FAM9A: variants seen among roughly 807,000 people sequenced by gnomAD.
FAM9A encodes the protein family with sequence similarity 9 member A, also known as protein FAM9A.
A neutral mutation model predicts 25.0 loss-of-function variants in FAM9A; 49 were observed. That is an observed-to-expected ratio of 1.96 (90% CI 1.56 to 2.48). The LOEUF (loss-of-function observed/expected upper bound fraction) is 2.48. FAM9A is among the 30% of genes most tolerant of loss of function. The pLI, the probability that FAM9A is intolerant of heterozygous loss-of-function variation, is 0.00. For synonymous variants in FAM9A, 80 were observed against 85.1 expected, an observed-to-expected ratio of 0.94 and a Z score of 0.33; for missense variants, 266 against 249.3, an observed-to-expected ratio of 1.07 and a Z score of -0.45.
intron 8 of FAM9A, among the ~76,000 whole-genome samples, chrX:8,792,685 T>C (rs1933483667): frequency 8.9e-6 from 1 of 112,275 alleles, no homozygotes; most frequent in Admixed American, 9.4e-5. Flanking sequence ...AATAACTGTT[T>C]TGTGTATAGA....
chrX:8,791,165 T>C lies in FAM9A; in HGVS notation c.*39A>G. The C allele has an allele frequency of 2.1e-6, 1 of 470,398 alleles. No individual in the cohort carries two copies. Among genetic ancestry groups the C allele is most frequent in the Middle Eastern group, 6.0e-4 (1 of 1,671 alleles). 38.8% of individuals were successfully genotyped at this position (470,398 alleles called of 1,213,427 possible). On this transcript the variant is annotated 3_prime_UTR_variant, in exon 10 of 10. Coordinates refer to ENST00000381003, the MANE Select transcript of FAM9A (RefSeq NM_174951.3). ...GAAGAGACAATGAAGTGCCAACTCT[T>C]CCAAAAGCTGTTTCAAAAAAAAATT...
Position 8,794,748 on chromosome X carries a change from A to G in FAM9A, c.831+330T>C, listed in dbSNP as rs183063736. Reference sequence around the variant, plus strand: ...AGCTGAAATTCCACAGCCAGTCATCATATCCCCATCCCTGCATCTATGCCC... The same window carrying G: ...AGCTGAAATTCCACAGCCAGTCATCGTATCCCCATCCCTGCATCTATGCCC... On this transcript the variant is annotated intron_variant, in intron 7 of 9. Coordinates refer to ENST00000381003, the MANE Select transcript of FAM9A (RefSeq NM_174951.3). Among the ~76,000 whole-genome samples, 7 of 111,890 alleles carry G rather than the reference A, an allele frequency of 6.3e-5. No homozygotes were observed. The East Asian group carries it at 2.0e-3, about 32-fold the overall frequency.
chrX:8,797,707 A>G (rs1933549094), intron 5 of FAM9A, among the ~76,000 whole-genome samples: 1 of 111,213 alleles, frequency 9.0e-6, no homozygotes, highest in Non-Finnish European at 1.9e-5. Flanking sequence ...AACCTGGGTG[A>G]TAAATAATCT....
chrX:8,792,461 G>A (rs1187125927), intron 8 of FAM9A, among the ~76,000 whole-genome samples: 2 of 110,910 alleles, frequency 1.8e-5, no homozygotes, highest in East Asian at 2.8e-4. Context: ...GAAATTTAAG[G>A]GCCATTACAG....
chrX:8,793,859 C>A (rs1038258631), intron 7 of FAM9A, 103 bp from the exon 8 acceptor site: 23 of 522,596 alleles, frequency 4.4e-5, no homozygotes, highest in Non-Finnish European at 3.1e-5. Flanking sequence ...ATCTATACTT[C>A]TTAACACTTT....
At chrX:8,800,233 A>G in intron 1 of FAM9A, 24 bp from the exon 2 acceptor site, 2 of 1,157,856 alleles carry the variant, frequency 1.7e-6, no homozygotes, top group Non-Finnish European at 2.3e-6. Flanking sequence ...AAGTCAAACT[A>G]AGTAAGCTAA....
intron 8 of FAM9A, among the ~76,000 whole-genome samples, chrX:8,791,952 A>G (rs1602067593): frequency 8.9e-6 from 1 of 112,405 alleles, no homozygotes; most frequent in Non-Finnish European, 1.9e-5. Flanking sequence ...GAGCAAATGC[A>G]CAAATAAAAA....
chrX:8,800,039 C>T lies in FAM9A; in HGVS notation c.91+42G>A, dbSNP rs189263876. The T allele has an allele frequency of 1.5e-3, 1,722 of 1,183,776 alleles. 32 individuals are homozygous for T. In the African/African-American group the frequency reaches 0.024, roughly 17 times the overall value. On this transcript the variant is annotated intron_variant, in intron 2 of 9. Transcript: ENST00000381003. Reference sequence around the variant, plus strand: ...AGGGGTCTCGGGCTGCCCATGTGCCCCCCGCGCAGAGAGCAAACAGACCAT... The same window carrying T: ...AGGGGTCTCGGGCTGCCCATGTGCCTCCCGCGCAGAGAGCAAACAGACCAT...
In FAM9A at chrX:8,795,334, T is replaced by TCTG. The variant is rs755947791; in HGVS notation, c.572_574dup (p.Ala191dup). Reference sequence around the variant, plus strand: ...TGCTGCTGCTGCGGCTTCTGCTTCTTCTGCTTCATCATCTTTCTGCTTCTC... The same window carrying TCTG: ...TGCTGCTGCTGCGGCTTCTGCTTCTTCTGCTGCTTCATCATCTTTCTGCTTCTC... On this transcript the variant is annotated inframe_insertion, in exon 7 of 10. Coordinates refer to ENST00000381003, the MANE Select transcript of FAM9A (RefSeq NM_174951.3). 8.3e-7 allele frequency: 1 copy of TCTG among 1,209,195 alleles called. No individual in the cohort carries two copies. Among genetic ancestry groups the TCTG allele is most frequent in the South Asian group, 1.8e-5 (1 of 56,869 alleles).
At chrX:8,797,282 T>G (rs1472288156) in intron 5 of FAM9A, among the ~76,000 whole-genome samples, 1 of 111,740 alleles carries the variant, frequency 8.9e-6, no homozygotes, top group Non-Finnish European at 1.9e-5. Flanking sequence ...AAGAGTATTG[T>G]CTCCGCCGTC....
At chrX:8,794,630 C>T (rs144461557) in intron 7 of FAM9A, among the ~76,000 whole-genome samples, 12 of 111,496 alleles carry the variant, frequency 1.1e-4, no homozygotes, top group African/African-American at 3.9e-4. Flanking sequence ...TTCAGTACTA[C>T]AGCTCAGGAG....
At chrX:8,794,394 A>G (rs1266441496) in intron 7 of FAM9A, among the ~76,000 whole-genome samples, 2 of 111,982 alleles carry the variant, frequency 1.8e-5, no homozygotes, top group East Asian at 2.8e-4. Flanking sequence ...CAATCCTCCA[A>G]ATAACTCTGA....
At chrX:8,793,482 T>G (rs1272156157) in intron 8 of FAM9A, among the ~76,000 whole-genome samples, 176 bp downstream of exon 8, 1 of 112,511 alleles carries the variant, frequency 8.9e-6, no homozygotes, top group East Asian at 2.8e-4. Context: ...TCACGAATCC[T>G]AAAAATACAT....
At position 8,796,496 on chromosome X, in the gene FAM9A, T is replaced by C. The variant is rs988433878; in HGVS notation, c.374-114A>G. On this transcript the variant is annotated intron_variant, in intron 5 of 9. Transcript: ENST00000381003. ...AGCAATATCGGAAGGACATTTACAT[T>C]GTAAAATACAAAGATCATTTCAAAA... 1.0e-5 allele frequency: 5 copies of C among 492,363 alleles called. No homozygotes were observed. The African/African-American group carries it at 1.2e-4, about 12-fold the overall frequency. The allele number at this position is 492,363 out of a possible 1,213,427, so 40.6% of individuals were successfully genotyped here.
chrX:8,800,236 T>A, intron 1 of FAM9A, 27 bp from the exon 2 acceptor site: 10 of 1,155,112 alleles, frequency 8.7e-6, no homozygotes, highest in Non-Finnish European at 1.1e-5. Flanking sequence ...TCAAACTAAG[T>A]AAGCTAAGGA....
chrX:8,796,481 G>T, intron 5 of FAM9A, 99 bp from the exon 6 acceptor site: 2 of 524,498 alleles, frequency 3.8e-6, no homozygotes, highest in South Asian at 5.7e-5. Flanking sequence ...AGCAATATCG[G>T]AAGGACATTT....
Position 8,795,244 on chromosome X carries a change from T to C in FAM9A, c.665A>G (p.Glu222Gly), listed in dbSNP as rs1464845243. The part of the protein sequence containing the change: ...AAAEVIVVED[E>G]EEEEKEEEEE... ...CTCCTCCTCCTTCTCTTCCTCCTCT[T>C]CGTCTTCTACTACTATTACTTCTGC... The change falls in exon 7 of 10, where the codon GAA becomes GGA. Residue 222 changes from glutamate (E) to glycine (G), a missense_variant. Coordinates refer to ENST00000381003, the MANE Select transcript of FAM9A (RefSeq NM_174951.3). The C allele has an allele frequency of 8.6e-7, 1 of 1,156,829 alleles. No individual in the cohort carries two copies. Among genetic ancestry groups the C allele is most frequent in the East Asian group, 3.1e-5 (1 of 32,265 alleles).
rs1409081277 is a variant in FAM9A at position 8,795,209 on chromosome X, C to A, written c.700G>T (p.Glu234Ter). 4 of 1,073,351 alleles carry A rather than the reference C, an allele frequency of 3.7e-6. No individual in the cohort carries two copies. In the African/African-American group the frequency reaches 7.6e-5, roughly 20 times the overall value. 88.5% of individuals were successfully genotyped at this position (1,073,351 alleles called of 1,213,427 possible). The change falls in exon 7 of 10, where the codon GAA (glutamate) becomes TAA (stop). Residue 234 changes from glutamate (E) to a stop codon, truncating the protein, a stop_gained. Transcript: ENST00000381003. LOFTEE classifies it high-confidence loss of function. ...EEEKEEEEEKEEEEEEGEEEG... is the reference protein window; with the variant it reads ...EEEKEEEEEK ...TCTTCTCCTTCTTCTTCCTCCTCTT[C>A]TTTCTCCTCCTCCTCCTCCTTCTCT...
intron 8 of FAM9A, among the ~76,000 whole-genome samples, chrX:8,791,992 T>C (rs1290271231): frequency 8.9e-6 from 1 of 111,977 alleles, no homozygotes; most frequent in Non-Finnish European, 1.9e-5. Flanking sequence ...ATAACTGCTA[T>C]GGAAGGGCAA....
Sources: gnomAD v4.1 joint callset for allele counts (sites outside exome capture counted in the v4.1 genomes callset) on GRCh38, gnomAD v4.1.1 for gene constraint, MANE v1.5 for transcripts, NCBI Gene and HGNC (gene_info 2026-07-23, HGNC 2026-07-21) for gene names.